HCFC1R1: variants seen among roughly 807,000 people sequenced by gnomAD.
HCFC1R1 encodes host cell factor C1 regulator 1, also known as HCF-1 beta-propeller-interacting protein.
Under a neutral mutation model 13.3 loss-of-function variants are expected in HCFC1R1, and 17 were observed. That is an observed-to-expected ratio of 1.28 (90% CI 0.87 to 1.91). HCFC1R1 has a LOEUF of 1.91. HCFC1R1 is among the 40% of genes most tolerant of loss of function. The probability of loss-of-function intolerance (pLI) is 0.00; values close to 1 mark genes in which losing one functional copy is unlikely to be tolerated. For synonymous variants in HCFC1R1, 87 were observed against 71.1 expected (o/e 1.22, Z -1.12); for missense variants, 218 against 177.9 (o/e 1.23, Z -1.28).
chr16:3,022,918 TC>T lies in HCFC1R1; in HGVS notation c.361del (p.Asp121ThrfsTer15). The T allele has an allele frequency of 6.5e-7, 1 of 1,548,984 alleles. No homozygotes were observed. Among genetic ancestry groups the T allele is most frequent in the South Asian group, 1.2e-5 (1 of 82,352 alleles). ...TGCAGGGTAGGGGGGACTGGGGGTGTCCCCCAGCCTCAGCAGACGGAGGGCC... is the reference window on the plus strand; with the variant it reads ...TGCAGGGTAGGGGGGACTGGGGGTGTCCCCAGCCTCAGCAGACGGAGGGCC... ...PEALRLLRLG[D>X]TPSPPYPATP... On this transcript the variant is annotated frameshift_variant, in exon 4 of 4. Coordinates refer to ENST00000248089, the MANE Select transcript of HCFC1R1 (RefSeq NM_017885.4). LOFTEE classifies it high-confidence loss of function.
intron 3 of HCFC1R1, 63 bp from the exon 4 acceptor site, chr16:3,023,061 C>T: frequency 6.4e-7 from 1 of 1,560,220 alleles, no homozygotes; most frequent in Non-Finnish European, 8.6e-7. Context: ...CACCTCCCAC[C>T]AGGTCCAGGT....
At position 3,022,760 on chromosome 16, in the gene HCFC1R1, C is replaced by G. The variant is rs2072637718; in HGVS notation, c.*103G>C. 9.2e-7 allele frequency: 1 copy of G among 1,092,064 alleles called. No individual in the cohort carries two copies. The highest frequency in any genetic ancestry group is 3.2e-5 in the East Asian group (1 of 30,936). 67.6% of individuals were successfully genotyped at this position (1,092,064 alleles called of 1,614,324 possible). ...GAGGGAAGGTCTTGGTGCCCAGATG[C>G]CTACTCTGCAGGAGAGGGAGGAACC... On this transcript the variant is annotated 3_prime_UTR_variant, in exon 4 of 4. Transcript: ENST00000248089.
In HCFC1R1 at chr16:3,022,719, C is replaced by G; in HGVS notation, c.*144G>C. 1 of 657,944 alleles carries G rather than the reference C, an allele frequency of 1.5e-6. No homozygotes were observed. Among genetic ancestry groups the G allele is most frequent in the Non-Finnish European group, 2.4e-6 (1 of 424,396 alleles). The allele number at this position is 657,944 out of a possible 1,614,324, so 40.8% of individuals were successfully genotyped here. A position where few individuals can be genotyped will look rare whatever the true frequency, so the allele number is the denominator to read the frequency against. The stretch of plus-strand genomic sequence containing the variant: ...CCTCCCATCCCAGAACTCCGTTGGG[C>G]TCAGTGTCCTCTGTTGAGGGAAGGT... On this transcript the variant is annotated 3_prime_UTR_variant, in exon 4 of 4. Coordinates refer to ENST00000248089, the MANE Select transcript of HCFC1R1 (RefSeq NM_017885.4).
chr16:3,022,739 G>A lies in HCFC1R1; in HGVS notation c.*124C>T. ...TTGGGCTCAGTGTCCTCTGTTGAGG[G>A]AAGGTCTTGGTGCCCAGATGCCTAC... On this transcript the variant is annotated 3_prime_UTR_variant, in exon 4 of 4. Transcript: ENST00000248089. The A allele has an allele frequency of 3.4e-6, 3 of 871,168 alleles. No individual in the cohort carries two copies. Among genetic ancestry groups the A allele is most frequent in the Non-Finnish European group, 4.9e-6 (3 of 608,574 alleles). 54.0% of individuals were successfully genotyped at this position (871,168 alleles called of 1,614,324 possible). A position where few individuals can be genotyped will look rare whatever the true frequency, so the allele number is the denominator to read the frequency against.
rs1025145790 is a variant in HCFC1R1 at position 3,023,266 on chromosome 16, G to C, written c.248C>G (p.Pro83Arg). 5.1e-6 allele frequency: 8 copies of C among 1,572,780 alleles called. No individual in the cohort carries two copies. The African/African-American group carries it at 5.4e-5, about 11-fold the overall frequency. ...GGGCAGGGCTGGGGAGAAGGTCATG[G>C]GGGGGCTGCAGTAGGGGTGGTCATT... ...LHNDHPYCSP[P>R]MTFSPALPPL... The change falls in exon 3 of 4, where the codon CCC becomes CGC. Residue 83 changes from proline to arginine, a missense_variant. Transcript: ENST00000248089.
rs1346078680 is a variant in HCFC1R1, at chr16:3,023,712, C to G, written c.95+135G>C. The G allele has an allele frequency of 3.9e-6, 4 of 1,032,952 alleles. No homozygotes were observed. The Admixed American group carries it at 9.2e-5, about 24-fold the overall frequency. The allele number at this position is 1,032,952 out of a possible 1,614,324, so 64.0% of individuals were successfully genotyped here. ...GGAAGTCTCGACCCTCAGCCGCAGCCCCAGTCCCATCTCAGCTCACGCCTA... is the reference window on the plus strand; with the variant it reads ...GGAAGTCTCGACCCTCAGCCGCAGCGCCAGTCCCATCTCAGCTCACGCCTA... On this transcript the variant is annotated intron_variant, in intron 1 of 3. Coordinates refer to ENST00000248089, the MANE Select transcript of HCFC1R1 (RefSeq NM_017885.4).
chr16:3,023,507 G>T lies in HCFC1R1; in HGVS notation c.119C>A (p.Pro40His), dbSNP rs1327478625. The T allele has an allele frequency of 6.2e-7, 1 of 1,605,676 alleles. No homozygotes were observed. The highest frequency in any genetic ancestry group is 1.1e-5 in the South Asian group (1 of 90,790). Reference protein sequence around the residue: ...DASSPLRGAVPMSTKRRLEEE... With the variant: ...DASSPLRGAVHMSTKRRLEEE... Reference sequence around the variant, plus strand: ...CTCCAGGCGCCGCTTGGTGCTCATGGGCACAGCTCCTCGGAGAGGGGAGCT... The same window carrying T: ...CTCCAGGCGCCGCTTGGTGCTCATGTGCACAGCTCCTCGGAGAGGGGAGCT... Residue 40 changes from proline to histidine, a missense_variant, in exon 2 of 4, where the codon CCC becomes CAC. Transcript: ENST00000248089.
chr16:3,024,154 A>T, upstream of HCFC1R1: 1 of 770,408 alleles, frequency 1.3e-6, no homozygotes, highest in Non-Finnish European at 2.1e-6. Flanking sequence ...ACCACTTCTT[A>T]ATGTCGGGGG....
chr16:3,022,636 A>G lies in HCFC1R1; in HGVS notation c.*227T>C. The G allele has an allele frequency of 2.5e-6, 1 of 393,448 alleles. No homozygotes were observed. Among genetic ancestry groups the G allele is most frequent in the East Asian group, 4.4e-5 (1 of 22,928 alleles). The allele number at this position is 393,448 out of a possible 1,614,324, so 24.4% of individuals were successfully genotyped here. The stretch of plus-strand genomic sequence containing the variant: ...TCCAGACTGAAGCCTTCCTTTGCTC[A>G]GCAATCTTTATTCAGTTCTTCTTGG... On this transcript the variant is annotated 3_prime_UTR_variant, in exon 4 of 4. Transcript: ENST00000248089.
In HCFC1R1 at chr16:3,022,820, TGTG is replaced by T. The variant is rs757632697; in HGVS notation, c.*40_*42del. ...TGCGGGAGTCGCTGGTCTCTTCTGT[TGTG>T]GGGAAGAAGGAAGGTGGGAGGGGCA... is the stretch of plus-strand genomic sequence containing the variant. On this transcript the variant is annotated 3_prime_UTR_variant, in exon 4 of 4. Transcript: ENST00000248089. The T allele has an allele frequency of 1.0e-5, 15 of 1,459,904 alleles. 1 individual carries two copies. The South Asian group carries it at 2.2e-4, about 22-fold the overall frequency. The allele number at this position is 1,459,904 out of a possible 1,614,324, so 90.4% of individuals were successfully genotyped here.
At position 3,023,474 on chromosome 16, in the gene HCFC1R1, T is replaced by A. The variant is rs1355355186; in HGVS notation, c.152A>T (p.Gln51Leu). The change falls in exon 2 of 4, where the codon CAG becomes CTG. Residue 51 changes from glutamine to leucine, a missense_variant and splice_region_variant. Coordinates refer to ENST00000248089, the MANE Select transcript of HCFC1R1 (RefSeq NM_017885.4). Reference protein sequence around the residue: ...MSTKRRLEEEQEPLRKQFLSE... With the variant: ...MSTKRRLEEELEPLRKQFLSE... ...AGTCCCTCCCTGCCCCCAAACTCACTGCTCCTCCTCCAGGCGCCGCTTGGT... is the reference window on the plus strand; with the variant it reads ...AGTCCCTCCCTGCCCCCAAACTCACAGCTCCTCCTCCAGGCGCCGCTTGGT... The A allele has an allele frequency of 6.2e-7, 1 of 1,612,946 alleles. No homozygotes were observed. Among genetic ancestry groups the A allele is most frequent in the East Asian group, 2.2e-5 (1 of 44,858 alleles).
In HCFC1R1 at chr16:3,022,816, C is replaced by A; in HGVS notation, c.*47G>T. ...CCTTTGCGGGAGTCGCTGGTCTCTT[C>A]TGTTGTGGGGAAGAAGGAAGGTGGG... On this transcript the variant is annotated 3_prime_UTR_variant, in exon 4 of 4. Coordinates refer to ENST00000248089, the MANE Select transcript of HCFC1R1 (RefSeq NM_017885.4). The A allele has an allele frequency of 7.0e-7, 1 of 1,430,296 alleles. No homozygotes were observed. The highest frequency in any genetic ancestry group is 1.5e-5 in the South Asian group (1 of 65,604). 88.6% of individuals were successfully genotyped at this position (1,430,296 alleles called of 1,614,324 possible).
Position 3,023,335 on chromosome 16 carries a change from G to A in HCFC1R1, c.179C>T (p.Ser60Phe), listed in dbSNP as rs550546163. The A allele has an allele frequency of 4.4e-6, 7 of 1,606,402 alleles. No individual in the cohort carries two copies. In the African/African-American group the frequency reaches 6.7e-5, roughly 15 times the overall value. ...EQEPLRKQFL[S>F]EENMATHFSQ... ...GAAGTGGGTGGCCATGTTCTCCTCA[G>A]ACAGAAACTGCTTGCGCAGAGGCTC... The change falls in exon 3 of 4, where the codon TCT becomes TTT. Residue 60 changes from serine (S) to phenylalanine (F), a missense_variant. By Grantham distance (155) the Ser-to-Phe change is radical (BLOSUM62 -2). Transcript: ENST00000248089.
At chr16:3,024,252 G>T, upstream of HCFC1R1, 1 of 1,596,148 alleles carries the variant, frequency 6.3e-7, no homozygotes, top group Non-Finnish European at 8.6e-7. Flanking sequence ...GCCACGGAGA[G>T]GAACCGCTCT....
Position 3,023,869 on chromosome 16 carries a change from C to A in HCFC1R1, c.73G>T (p.Val25Leu). 1 of 1,549,954 alleles carries A rather than the reference C, an allele frequency of 6.5e-7. No individual in the cohort carries two copies. The highest frequency in any genetic ancestry group is 8.7e-7 in the Non-Finnish European group (1 of 1,152,940). ...AQRLPRAALG[V>L]TWGLDASSPL... The stretch of plus-strand genomic sequence containing the variant: ...CACCTGGCGTCCAGGCCCCAAGTCA[C>A]CCCCAAGGCGGCCCGCGGGAGGCGC... The change falls in exon 1 of 4, where the codon GTG becomes TTG. Residue 25 changes from valine to leucine, a missense_variant. Physicochemically the swap from Val to Leu is conservative, Grantham distance 32. Transcript: ENST00000248089.
At chr16:3,024,161 G>A (rs1396897096), upstream of HCFC1R1, 5 of 808,040 alleles carry the variant, frequency 6.2e-6, no homozygotes, top group African/African-American at 6.8e-5. Flanking sequence ...CTTAATGTCG[G>A]GGGTCTTCGC....
chr16:3,022,938 G>C lies in HCFC1R1; in HGVS notation c.342C>G (p.Leu114=), dbSNP rs1192214668. ...RYPGSLIPEA[L]RLLRLGDTPS... ...GGGTGTCCCCCAGCCTCAGCAGACG[G>C]AGGGCCTCAGGGATGAGGCTGCCAG... The change falls in exon 4 of 4, where the codon CTC becomes CTG. Residue 114 remains leucine, a synonymous_variant. Transcript: ENST00000248089. 2 of 1,575,298 alleles carry C rather than the reference G, an allele frequency of 1.3e-6. No homozygotes were observed. The highest frequency in any genetic ancestry group is 1.7e-6 in the Non-Finnish European group (2 of 1,168,806).
Position 3,023,545 on chromosome 16 carries a change from G to A in HCFC1R1, c.96-15C>T. 1.3e-6 allele frequency: 2 copies of A among 1,569,798 alleles called. No homozygotes were observed. The highest frequency in any genetic ancestry group is 1.2e-5 in the South Asian group (1 of 86,584). ...GGAGAGGGGAGCTGGGAAAAAAAGA[G>A]AGCCTGGTGCACCCCACCCTCTTGG... On this transcript the variant is annotated splice_polypyrimidine_tract_variant and intron_variant, in intron 1 of 3. Coordinates refer to ENST00000248089, the MANE Select transcript of HCFC1R1 (RefSeq NM_017885.4).
chr16:3,023,040 G>A lies in HCFC1R1; in HGVS notation c.282-42C>T, dbSNP rs751368523. The A allele has an allele frequency of 1.6e-5, 26 of 1,580,412 alleles. No individual in the cohort carries two copies. In the African/African-American group the frequency reaches 2.8e-4, roughly 17 times the overall value. Reference sequence around the variant, plus strand: ...CTGTCAGGGCATGGAGCTGAGGCTGGCCTAGCTGAGCACCTCCCACCAGGT... The same window carrying A: ...CTGTCAGGGCATGGAGCTGAGGCTGACCTAGCTGAGCACCTCCCACCAGGT... On this transcript the variant is annotated intron_variant, in intron 3 of 3. Coordinates refer to ENST00000248089, the MANE Select transcript of HCFC1R1 (RefSeq NM_017885.4).
Sources: gnomAD v4.1 joint callset for allele counts on GRCh38, gnomAD v4.1.1 for gene constraint, MANE v1.5 for transcripts, NCBI Gene and HGNC (gene_info 2026-07-23, HGNC 2026-07-21) for gene names.